Variants in AHCYL2 observed in about 807,000 individuals in gnomAD.
AHCYL2 encodes adenosylhomocysteinase like 2.
A neutral mutation model predicts 81.4 loss-of-function variants in AHCYL2; 28 were observed. That is an observed-to-expected ratio of 0.34 (90% confidence interval 0.25 to 0.47). The LOEUF is 0.47. Ranked by LOEUF, AHCYL2 falls within the 20% of genes least tolerant of loss-of-function variation. The probability of loss-of-function intolerance (pLI) is 1.00; values close to 1 mark genes in which losing one functional copy is unlikely to be tolerated. For synonymous variants in AHCYL2, 272 were observed against 290.2 expected, an observed-to-expected ratio of 0.94 and a Z score of 0.64; for missense variants, 551 against 785.1, an observed-to-expected ratio of 0.70 and a Z score of 3.56.
rs989336167 is a variant in AHCYL2, at chr7:129,239,452, T to C, written c.363+14013T>C. On this transcript the variant is annotated intron_variant, in intron 1 of 16. Transcript: ENST00000325006. ...TTAATTTTTTTTTTTTTTTTAGAGA[T>C]GGGGGTCTTGCTTTGATACCCAGGC... Among the ~76,000 whole-genome samples the C allele has an allele frequency of 7.9e-5, 12 of 150,964 alleles. No homozygotes were observed. In the East Asian group the frequency reaches 2.2e-3, roughly 27 times the overall value.
intron 1 of AHCYL2, among the ~76,000 whole-genome samples, chr7:129,226,865 A>G (rs969116174): frequency 1.1e-4 from 17 of 152,252 alleles, no homozygotes; most frequent in Non-Finnish European, 2.4e-4. Flanking sequence ...TGCTGGGAGT[A>G]CCTAGATCTG....
intron 1 of AHCYL2, among the ~76,000 whole-genome samples, chr7:129,321,766 G>GTTTCTTTTTTTTTTTTTTTTTTTTTTT (rs1315391980): frequency 9.3e-6 from 1 of 107,486 alleles, no homozygotes. Context: ...TTTTTTTTTG[G>GTTTCTTTTTTTTTTTTTTTTTTTTTTT]TCTTGGTTTT....
intron 1 of AHCYL2, among the ~76,000 whole-genome samples, chr7:129,352,736 A>T (rs1274660339): frequency 1.3e-5 from 2 of 151,858 alleles, no homozygotes; most frequent in Admixed American, 6.6e-5. Flanking sequence ...CTTGCACTTG[A>T]TCTCCTGCAT....
intron 1 of AHCYL2, among the ~76,000 whole-genome samples, chr7:129,256,220 AAAT>A (rs1393383743): frequency 6.6e-6 from 1 of 152,226 alleles, no homozygotes; most frequent in Non-Finnish European, 1.5e-5. Context: ...GACTAGGAAA[AAAT>A]AATAGGTTAG....
chr7:129,233,880 A>G (rs1004957175), intron 1 of AHCYL2, among the ~76,000 whole-genome samples: 1 of 152,054 alleles, frequency 6.6e-6, no homozygotes, highest in African/African-American at 2.4e-5. Flanking sequence ...GAATTCCTTC[A>G]TTCTTTTACC....
intron 1 of AHCYL2, among the ~76,000 whole-genome samples, chr7:129,320,625 T>A (rs1797981053): frequency 6.6e-6 from 1 of 152,150 alleles, no homozygotes; most frequent in South Asian, 2.1e-4. Context: ...TCACAGTTTT[T>A]AAAAAAATTG....
chr7:129,391,041 A>C (rs1795446533), intron 4 of AHCYL2, among the ~76,000 whole-genome samples: 1 of 152,238 alleles, frequency 6.6e-6, no homozygotes, highest in South Asian at 2.1e-4. Context: ...ACAATACTTA[A>C]AATAATGTGT....
Position 129,347,612 on chromosome 7 carries a change from T to C in AHCYL2, c.364-32026T>C, listed in dbSNP as rs79375944. The stretch of plus-strand genomic sequence containing the variant: ...CTGCTGCTTAATGGGAAAGTTTTGC[T>C]TCCCTTCCTCACCTCTGTTTTTTGT... On this transcript the variant is annotated intron_variant, in intron 1 of 16. Transcript: ENST00000325006. Among the ~76,000 whole-genome samples, 920 of 152,308 alleles carry C rather than the reference T, an allele frequency of 6.0e-3. 8 individuals are homozygous for C. The highest frequency in any genetic ancestry group is 0.021 in the African/African-American group (876 of 41,564).
intron 1 of AHCYL2, among the ~76,000 whole-genome samples, chr7:129,307,647 T>G (rs1797490327): frequency 6.6e-6 from 1 of 151,810 alleles, no homozygotes; most frequent in African/African-American, 2.4e-5. Context: ...TCCTTTATTC[T>G]TTCCTCTCCA....
At chr7:129,384,033 T>G (rs149581604) in intron 2 of AHCYL2, among the ~76,000 whole-genome samples, 16 of 152,278 alleles carry the variant, frequency 1.1e-4, no homozygotes, top group Admixed American at 2.0e-4. Context: ...ATAATGCATA[T>G]GTTAATTATC....
intron 1 of AHCYL2, among the ~76,000 whole-genome samples, chr7:129,293,624 C>T (rs1796949094): frequency 1.3e-5 from 2 of 151,952 alleles, no homozygotes; most frequent in South Asian, 4.1e-4. Context: ...GAACCCTTGC[C>T]TCAAACCCCT....
chr7:129,256,091 G>A (rs1396115008), intron 1 of AHCYL2, among the ~76,000 whole-genome samples: 1 of 152,094 alleles, frequency 6.6e-6, no homozygotes, highest in Non-Finnish European at 1.5e-5. Flanking sequence ...TGGAAAGCTG[G>A]CCTCTTACTA....
chr7:129,341,980 T>G (rs546484552), intron 1 of AHCYL2, among the ~76,000 whole-genome samples: 50 of 152,228 alleles, frequency 3.3e-4, no homozygotes, highest in African/African-American at 1.2e-3. Context: ...ATTAAACCAC[T>G]CAGAAGAATG....
intron 1 of AHCYL2, among the ~76,000 whole-genome samples, chr7:129,230,037 G>A (rs1466109282): frequency 6.6e-6 from 1 of 151,500 alleles, no homozygotes; most frequent in African/African-American, 2.4e-5. Flanking sequence ...CTGTATACCA[G>A]GCATTGTACT....
intron 1 of AHCYL2, among the ~76,000 whole-genome samples, chr7:129,332,729 C>T (rs1345782776): frequency 1.3e-5 from 2 of 152,002 alleles, no homozygotes; most frequent in African/African-American, 4.8e-5. Flanking sequence ...TCTTTTTTGC[C>T]TGACTTTATG....
chr7:129,256,025 G>T (rs1250267424), intron 1 of AHCYL2, among the ~76,000 whole-genome samples: 1 of 152,088 alleles, frequency 6.6e-6, no homozygotes, highest in Non-Finnish European at 1.5e-5. Flanking sequence ...CAAGGAGGCA[G>T]TGCCAGTACT....
At chr7:129,362,809 T>G (rs993740428) in intron 1 of AHCYL2, among the ~76,000 whole-genome samples, 1 of 152,106 alleles carries the variant, frequency 6.6e-6, no homozygotes, top group Non-Finnish European at 1.5e-5. Context: ...CAGGGTCACA[T>G]TCTTGTATTC....
intron 1 of AHCYL2, among the ~76,000 whole-genome samples, chr7:129,369,136 T>C (rs934450709): frequency 1.3e-5 from 2 of 152,166 alleles, no homozygotes; most frequent in Admixed American, 6.5e-5. Context: ...TGATCAGTAG[T>C]TTTACTAAAA....
rs1797358557 is a variant in AHCYL2 at position 129,426,214 on chromosome 7, A to AG, written c.1709-229_1709-228insG. 6.6e-6 allele frequency among the ~76,000 whole-genome samples: 1 copy of AG among 152,208 alleles called. No homozygotes were observed. The highest frequency in any genetic ancestry group is 2.4e-5 in the African/African-American group (1 of 41,456). On this transcript the variant is annotated intron_variant, in intron 15 of 16. Transcript: ENST00000325006. This position sits in a 1 kb window ranked among gnomAD's most constrained non-coding sequence, Gnocchi z 4.3. Reference sequence around the variant, plus strand: ...TGCACTTTTCTGGAAGGCAGGGTTCAAAGCTGAGTTAGTAAGGATGAATTA... The same window carrying AG: ...TGCACTTTTCTGGAAGGCAGGGTTCAGAAGCTGAGTTAGTAAGGATGAATTA...
Sources: gnomAD v4.1 joint callset for allele counts (sites outside exome capture counted in the v4.1 genomes callset) on GRCh38, gnomAD v4.1.1 for gene constraint, Gnocchi (gnomAD v3.1) non-coding constraint, MANE v1.5 for transcripts, NCBI Gene and HGNC (gene_info 2026-07-23, HGNC 2026-07-21) for gene names.